The following FRMD4B variants were observed in gnomAD, a reference collection of about 807,000 sequenced individuals.
FRMD4B encodes FERM domain-containing protein 4B.
In FRMD4B, 74 loss-of-function variants were observed where a neutral mutation model predicts 141.5. The observed-to-expected ratio is 0.52, with a 90% CI of 0.43 to 0.63. The LOEUF (loss-of-function observed/expected upper bound fraction) is 0.63, where lower values mean the gene tolerates loss of function less well. FRMD4B is among the 30% of genes least tolerant of loss of function. FRMD4B has a pLI of 0.00. For missense variants in FRMD4B, 1,366 were observed against 1,253.4 expected (o/e 1.09, Z -1.36); for synonymous variants, 506 against 467.9 (o/e 1.08, Z -1.05).
At chr3:69,299,547 A>G (rs1701143149) in intron 4 of FRMD4B, among the ~76,000 whole-genome samples, 1 of 152,192 alleles carries the variant, frequency 6.6e-6, no homozygotes, top group African/African-American at 2.4e-5. Flanking sequence ...ATAATTGTGT[A>G]GTTTGAAAAA....
At chr3:69,361,953 T>G (rs1329675692) in intron 1 of FRMD4B, among the ~76,000 whole-genome samples, 2 of 152,194 alleles carry the variant, frequency 1.3e-5, no homozygotes, top group African/African-American at 4.8e-5. Context: ...GGTCATACCA[T>G]TTTACACTGC....
intron 11 of FRMD4B, among the ~76,000 whole-genome samples, chr3:69,213,661 A>AT (rs11322872): frequency 0.091 from 12,101 of 132,324 alleles, 582 homozygotes; most frequent in African/African-American, 0.11. Context: ...GTTTTCATTG[A>AT]TTTTTTTTTT....
chr3:69,367,832 T>G (rs1703712268), intron 1 of FRMD4B, among the ~76,000 whole-genome samples: 1 of 152,232 alleles, frequency 6.6e-6, no homozygotes, highest in South Asian at 2.1e-4. Flanking sequence ...TGGAAATGCT[T>G]GGTCATAGAG....
intron 12 of FRMD4B, among the ~76,000 whole-genome samples, chr3:69,197,374 G>C (rs2092918896): frequency 6.6e-6 from 1 of 152,040 alleles, no homozygotes; most frequent in African/African-American, 2.4e-5. Flanking sequence ...GGAATAAATG[G>C]GATAAGATTT....
chr3:69,215,266 C>G (rs536863285), intron 11 of FRMD4B, among the ~76,000 whole-genome samples: 1 of 108,594 alleles, frequency 9.2e-6, no homozygotes, highest in Admixed American at 1.0e-4. Context: ...AAATCCAAAT[C>G]TGATAGATTG....
At chr3:69,421,751 T>C (rs1241108259) in intron 2 of FRMD4B, among the ~76,000 whole-genome samples, 2 of 152,218 alleles carry the variant, frequency 1.3e-5, no homozygotes, top group Non-Finnish European at 2.9e-5. Flanking sequence ...GCTACCATAT[T>C]GGATAACACA....
rs1396150068 is a variant in FRMD4B, at chr3:69,195,146, A to G, written c.1369-5T>C. ...TGGCATTTTGCCTGTGAGCTCCTGTAAAACAGGACAGAATCAAGAGCAGAT... is the reference window on the plus strand; with the variant it reads ...TGGCATTTTGCCTGTGAGCTCCTGTGAAACAGGACAGAATCAAGAGCAGAT... On this transcript the variant is annotated splice_polypyrimidine_tract_variant and splice_region_variant and intron_variant, in intron 15 of 22. Coordinates refer to ENST00000398540, the MANE Select transcript of FRMD4B (RefSeq NM_015123.3). 6.2e-7 allele frequency: 1 copy of G among 1,613,926 alleles called. No individual in the cohort carries two copies. Among genetic ancestry groups the G allele is most frequent in the Non-Finnish European group, 8.5e-7 (1 of 1,179,818 alleles).
At chr3:69,361,028 C>A (rs191318967) in intron 1 of FRMD4B, among the ~76,000 whole-genome samples, 2 of 152,132 alleles carry the variant, frequency 1.3e-5, no homozygotes, top group South Asian at 4.1e-4. Flanking sequence ...ATGTTTGACT[C>A]TTTATCTTTA....
At position 69,260,281 on chromosome 3, in the gene FRMD4B, G is replaced by A. The variant is rs370425939; in HGVS notation, c.502-10182C>T. ...GAGGTGTGGAGGGAGAGGCGCCAGC[G>A]GGAACCAGGGCTGTGCACCGTGTTC... On this transcript the variant is annotated intron_variant, in intron 5 of 22. Coordinates refer to ENST00000398540, the MANE Select transcript of FRMD4B (RefSeq NM_015123.3). 5.3e-4 allele frequency among the ~76,000 whole-genome samples: 81 copies of A among 152,318 alleles called. 1 individual carries two copies. The highest frequency in any genetic ancestry group is 1.6e-3 in the African/African-American group (68 of 41,584).
intron 3 of FRMD4B, among the ~76,000 whole-genome samples, chr3:69,309,310 T>TA (rs1169279027): frequency 6.7e-6 from 1 of 149,900 alleles, no homozygotes; most frequent in Non-Finnish European, 1.5e-5. Context: ...TTTAATTTTT[T>TA]TTTTTTTTTT....
chr3:69,388,004 G>A (rs924454161), upstream of FRMD4B, among the ~76,000 whole-genome samples: 1 of 151,662 alleles, frequency 6.6e-6, no homozygotes, highest in African/African-American at 2.4e-5. Flanking sequence ...AACTTAGCTT[G>A]AAAAAGAACT....
intron 5 of FRMD4B, among the ~76,000 whole-genome samples, chr3:69,255,750 G>C (rs2093488466): frequency 6.6e-6 from 1 of 152,032 alleles, no homozygotes; most frequent in Admixed American, 6.6e-5. Context: ...CCCACTCCAG[G>C]ATTTTCTGAA....
chr3:69,499,185 G>T (rs570219856), intron 1 of FRMD4B, among the ~76,000 whole-genome samples: 2 of 152,152 alleles, frequency 1.3e-5, no homozygotes, highest in African/African-American at 4.8e-5. Flanking sequence ...TGGTGAGAGT[G>T]CCCTGAACCC....
intron 1 of FRMD4B, among the ~76,000 whole-genome samples, chr3:69,379,530 T>C (rs1342832709): frequency 1.3e-5 from 2 of 152,208 alleles, no homozygotes; most frequent in African/African-American, 4.8e-5. Flanking sequence ...CTGCCCGCCT[T>C]GGCCTCCCAA....
chr3:69,201,857 T>C (rs555668709), intron 11 of FRMD4B, among the ~76,000 whole-genome samples: 37 of 152,212 alleles, frequency 2.4e-4, no homozygotes, highest in Non-Finnish European at 4.3e-4. Flanking sequence ...CCAGTGTTTA[T>C]CTTAGAAGAT....
At chr3:69,439,732 C>A (rs889696635) in intron 1 of FRMD4B, among the ~76,000 whole-genome samples, 3 of 152,198 alleles carry the variant, frequency 2.0e-5, no homozygotes, top group Non-Finnish European at 4.4e-5. Flanking sequence ...TACCTCAATT[C>A]TTTGCCAAGT....
At chr3:69,331,043 T>C (rs942547759) in intron 1 of FRMD4B, among the ~76,000 whole-genome samples, 7 of 152,206 alleles carry the variant, frequency 4.6e-5, no homozygotes, top group Admixed American at 3.9e-4. Context: ...GAACGTGTCT[T>C]GTGAGAGGAA....
At chr3:69,537,448 C>CAG (rs558160622) in intron 1 of FRMD4B, among the ~76,000 whole-genome samples, 195 of 152,328 alleles carry the variant, frequency 1.3e-3, no homozygotes, top group African/African-American at 4.6e-3. Context: ...CTCTAAGACA[C>CAG]TACTTAAATA....
upstream of FRMD4B, among the ~76,000 whole-genome samples, chr3:69,390,904 A>C (rs1704368840): frequency 6.6e-6 from 1 of 151,976 alleles, no homozygotes; most frequent in Admixed American, 6.6e-5. Flanking sequence ...AAAATAAATA[A>C]AAAATAAAAT....
Sources: gnomAD v4.1 joint callset for allele counts (sites outside exome capture counted in the v4.1 genomes callset) on GRCh38, gnomAD v4.1.1 for gene constraint, MANE v1.5 for transcripts, NCBI Gene and HGNC (gene_info 2026-07-23, HGNC 2026-07-21) for gene names.